ADAMTS12: variants seen among roughly 807,000 people sequenced by gnomAD.
ADAMTS12 encodes the protein ADAM metallopeptidase with thrombospondin type 1 motif 12.
A neutral mutation model predicts 167.8 loss-of-function variants in ADAMTS12; 118 were observed. The ratio of observed to expected loss-of-function variants is 0.70; its 90% CI spans 0.61 to 0.82. The LOEUF is 0.82. ADAMTS12 is among the 40% of genes least tolerant of loss of function. The pLI, the probability that ADAMTS12 is intolerant of heterozygous loss-of-function variation, is 0.00. For missense variants in ADAMTS12, 1,916 were observed against 1,998.8 expected (o/e 0.96, Z 0.79); for synonymous variants, 704 against 716.9 (o/e 0.98, Z 0.29).
intron 2 of ADAMTS12, among the ~76,000 whole-genome samples, chr5:33,766,953 A>G (rs1745555689): frequency 6.6e-6 from 1 of 152,194 alleles, no homozygotes; most frequent in African/African-American, 2.4e-5. Context: ...CTCTGAAAGA[A>G]CTGATCCAAA....
intron 11 of ADAMTS12, among the ~76,000 whole-genome samples, chr5:33,638,861 T>C (rs1481492965): frequency 6.6e-6 from 1 of 152,176 alleles, no homozygotes; most frequent in Non-Finnish European, 1.5e-5. Context: ...CATACCAGCC[T>C]TCCTGTCAGG....
intron 2 of ADAMTS12, among the ~76,000 whole-genome samples, chr5:33,762,335 T>C (rs904498428): frequency 4.0e-5 from 6 of 151,686 alleles, no homozygotes; most frequent in East Asian, 3.9e-4. Flanking sequence ...GGTGAAACCC[T>C]GTCTCTACTA....
chr5:33,656,598 C>A (rs541622323), intron 7 of ADAMTS12, among the ~76,000 whole-genome samples: 1 of 152,306 alleles, frequency 6.6e-6, no homozygotes, highest in South Asian at 2.1e-4. Context: ...CAAGCAAAGT[C>A]TTTTCCATTT....
chr5:33,622,522 C>T (rs1190494844), intron 14 of ADAMTS12, among the ~76,000 whole-genome samples: 3 of 152,084 alleles, frequency 2.0e-5, no homozygotes, highest in African/African-American at 4.8e-5. Flanking sequence ...GGTGTGCTGG[C>T]GTGCACCTGT....
intron 3 of ADAMTS12, among the ~76,000 whole-genome samples, chr5:33,702,857 T>G (rs980707209): frequency 1.3e-5 from 2 of 152,190 alleles, no homozygotes; most frequent in Non-Finnish European, 2.9e-5. Flanking sequence ...CCCTCATGCC[T>G]TGGCATTAGG....
intron 2 of ADAMTS12, among the ~76,000 whole-genome samples, chr5:33,851,307 G>C (rs1244737144): frequency 6.6e-6 from 1 of 152,144 alleles, no homozygotes; most frequent in East Asian, 1.9e-4. Context: ...AGCTACTCGG[G>C]AGGCTGAGGC....
At chr5:33,721,636 G>C (rs1743810275) in intron 3 of ADAMTS12, among the ~76,000 whole-genome samples, 1 of 152,222 alleles carries the variant, frequency 6.6e-6, no homozygotes, top group Non-Finnish European at 1.5e-5. Context: ...ATATTGCTGA[G>C]CTGGCAAAGC....
At chr5:33,615,093 C>T (rs1367806549) in intron 15 of ADAMTS12, among the ~76,000 whole-genome samples, 1 of 152,132 alleles carries the variant, frequency 6.6e-6, no homozygotes, top group Non-Finnish European at 1.5e-5. Context: ...AATTGATTCA[C>T]CTTAAACATA....
At chr5:33,753,684 C>T (rs1022218419) in intron 2 of ADAMTS12, among the ~76,000 whole-genome samples, 3 of 152,072 alleles carry the variant, frequency 2.0e-5, no homozygotes, top group Non-Finnish European at 4.4e-5. Context: ...ACAGAAGAAA[C>T]AGATGGGGCT....
chr5:33,802,164 C>T (rs1747037726), intron 2 of ADAMTS12, among the ~76,000 whole-genome samples: 1 of 152,192 alleles, frequency 6.6e-6, no homozygotes, highest in African/African-American at 2.4e-5. Context: ...TTGGACTTTC[C>T]AGCCTCCAGT....
intron 3 of ADAMTS12, among the ~76,000 whole-genome samples, chr5:33,725,333 T>C (rs138745149): frequency 2.0e-5 from 3 of 152,224 alleles, no homozygotes; most frequent in East Asian, 3.9e-4. Flanking sequence ...CTTTCTCTGA[T>C]AGTTTAAGGT....
intron 11 of ADAMTS12, among the ~76,000 whole-genome samples, chr5:33,639,403 T>C (rs1023671409): frequency 6.6e-6 from 1 of 152,108 alleles, no homozygotes; most frequent in Non-Finnish European, 1.5e-5. Context: ...CAATTATGTA[T>C]CCCAGACTGA....
chr5:33,544,711 A>G (rs1291126449), intron 22 of ADAMTS12, among the ~76,000 whole-genome samples: 1 of 152,204 alleles, frequency 6.6e-6, no homozygotes, highest in African/African-American at 2.4e-5. Context: ...AACACCACAC[A>G]TCTACAACCA....
Position 33,881,356 on chromosome 5 carries a change from C to T in ADAMTS12, c.252G>A (p.Leu84=). The change falls in exon 2 of 24, where the codon TTG becomes TTA. Residue 84 remains leucine (L), a synonymous_variant. Coordinates refer to ENST00000504830, the MANE Select transcript of ADAMTS12 (RefSeq NM_030955.4). ...AGTACACCCAGTCCTCTGAGCCATC[C>T]AAATCTCTCTTCCTCCTGCTGCTCG... ...PITSSRRKRD[L]DGSEDWVYYR... is the part of the protein sequence containing the mutation. 6.2e-7 allele frequency: 1 copy of T among 1,614,184 alleles called. No homozygotes were observed. The highest frequency in any genetic ancestry group is 1.1e-5 in the South Asian group (1 of 91,078).
At chr5:33,685,884 C>T (rs141493782) in intron 3 of ADAMTS12, among the ~76,000 whole-genome samples, 21 of 152,200 alleles carry the variant, frequency 1.4e-4, no homozygotes, top group African/African-American at 4.8e-4. Context: ...AGCTTTTTGT[C>T]CCTGTTTTGA....
At chr5:33,623,045 T>C (rs1000585237) in intron 14 of ADAMTS12, among the ~76,000 whole-genome samples, 1 of 152,186 alleles carries the variant, frequency 6.6e-6, no homozygotes, top group African/African-American at 2.4e-5. Flanking sequence ...CTGTTATGAT[T>C]ACTAGGGAAC....
rs1290956112 is a variant in ADAMTS12, at chr5:33,535,011, A to G, written c.4447-19T>C. On this transcript the variant is annotated intron_variant, in intron 22 of 23. Transcript: ENST00000504830. ...TGGAACACTGAAAGAGAAGGTGAAC[A>G]GAGAGTCAGAAGTCCTCCCCACGAC... The G allele has an allele frequency of 4.4e-6, 7 of 1,585,840 alleles. No individual in the cohort carries two copies. The African/African-American group carries it at 9.5e-5, about 21-fold the overall frequency.
intron 14 of ADAMTS12, among the ~76,000 whole-genome samples, chr5:33,618,709 T>G (rs1164814658): frequency 6.6e-6 from 1 of 152,232 alleles, no homozygotes; most frequent in East Asian, 1.9e-4. Context: ...ATCCATATCT[T>G]GAAACCCTTC....
At chr5:33,693,869 A>G (rs1224156281) in intron 3 of ADAMTS12, among the ~76,000 whole-genome samples, 1 of 152,208 alleles carries the variant, frequency 6.6e-6, no homozygotes, top group Admixed American at 6.5e-5. Flanking sequence ...GAAGAGAGGA[A>G]GTCAAACTCT....
Sources: allele counts gnomAD v4.1 joint callset (sites outside exome capture counted in the v4.1 genomes callset), GRCh38; gene constraint gnomAD v4.1.1; transcripts MANE v1.5; gene names NCBI Gene and HGNC (gene_info 2026-07-23, HGNC 2026-07-21).